Variants in MICB observed in about 807,000 individuals in gnomAD.
MICB encodes the protein MHC class I antigen-related protein B.
In MICB, 27 loss-of-function variants were observed where a neutral mutation model predicts 34.3. The ratio of observed to expected loss-of-function variants is 0.79; its 90% CI spans 0.58 to 1.08. MICB has a LOEUF of 1.08. Among genes scored for constraint, MICB ranks in the 50% least tolerant of loss-of-function variants. MICB has a pLI of 0.00. For missense variants in MICB, 426 were observed against 483.1 expected, an observed-to-expected ratio of 0.88 and a Z score of 1.11; for synonymous variants, 153 against 187.4, an observed-to-expected ratio of 0.82 and a Z score of 1.50.
chr6:31,502,843 A>G lies in MICB; in HGVS notation c.71-2774A>G, dbSNP rs1314475655. 4.6e-5 allele frequency among the ~76,000 whole-genome samples: 7 copies of G among 152,202 alleles called. 1 individual carries two copies. Among genetic ancestry groups the G allele is most frequent in the Admixed American group, 2.6e-4 (4 of 15,278 alleles). On this transcript the variant is annotated intron_variant, in intron 1 of 5. Coordinates refer to ENST00000252229, the MANE Select transcript of MICB (RefSeq NM_005931.5). The stretch of plus-strand genomic sequence containing the variant: ...TCCAGATCTTAAAGAAAAGGCTTTC[A>G]GTTTTCCCCCATTCAGTATGTTACT...
At chr6:31,497,557 A>G (rs1458275448), upstream of MICB, among the ~76,000 whole-genome samples, 2 of 152,300 alleles carry the variant, frequency 1.3e-5, no homozygotes, top group East Asian at 1.9e-4. Context: ...AGGAGATTAT[A>G]TAGCTGAAAC....
At chr6:31,498,120 T>C (rs1764768604), upstream of MICB, 3 of 1,310,104 alleles carry the variant, frequency 2.3e-6, no homozygotes, top group Non-Finnish European at 3.1e-6. Flanking sequence ...TGACTAAATT[T>C]CGACGGGGTC....
intron 5 of MICB, among the ~76,000 whole-genome samples, chr6:31,508,924 A>G (rs915819265): frequency 6.6e-6 from 1 of 152,124 alleles, no homozygotes; most frequent in Non-Finnish European, 1.5e-5. Context: ...GGCAGTTCCC[A>G]GGTGCAGAGG....
upstream of MICB, among the ~76,000 whole-genome samples, chr6:31,497,041 A>G (rs145333893): frequency 3.2e-3 from 488 of 152,322 alleles, 1 homozygote; most frequent in Middle Eastern, 0.02. Flanking sequence ...GACATTCAGC[A>G]GATGGGGCGC....
rs757078199 is a variant in MICB, at chr6:31,506,358, C to A, written c.541C>A (p.Arg181Ser). ...TGCCATGAAGACCAAGACACACTAT[C>A]GCGCTATGCAGGCAGACTGCCTGCA... ...EDAMKTKTHYRAMQADCLQKL... is the reference protein window; with the variant it reads ...EDAMKTKTHYSAMQADCLQKL... The change falls in exon 3 of 6, where the codon CGC (arginine) becomes AGC (serine). Residue 181 changes from arginine (R) to serine (S), a missense_variant. Coordinates refer to ENST00000252229, the MANE Select transcript of MICB (RefSeq NM_005931.5). 1.5e-5 allele frequency: 24 copies of A among 1,614,074 alleles called. No individual in the cohort carries two copies. The highest frequency in any genetic ancestry group is 1.9e-5 in the Non-Finnish European group (22 of 1,180,040).
rs571442558 is a variant in MICB, at chr6:31,508,575, C to A, written c.1024+1044C>A. Among the ~76,000 whole-genome samples the A allele has an allele frequency of 4.6e-5, 7 of 152,260 alleles. No homozygotes were observed. In the South Asian group the frequency reaches 1.5e-3, roughly 32 times the overall value. On this transcript the variant is annotated intron_variant, in intron 5 of 5. Transcript: ENST00000252229. ...GCAAGAGGGCCCCATCCAGGAGGCA[C>A]CCACAGCAGGGGCAGTGCAGGTCTG...
rs1416561250 is a variant in MICB at position 31,507,956 on chromosome 6, C to T, written c.1024+425C>T. ...AAGGTGGCTGTGATCTGGGGAGGGC[C>T]AGAAACTGGAGAGGAATCCAAGGAG... is the stretch of plus-strand genomic sequence containing the variant. On this transcript the variant is annotated intron_variant, in intron 5 of 5. Transcript: ENST00000252229. This position sits in a 1 kb window ranked among gnomAD's most constrained non-coding sequence, Gnocchi z 6.0. Among the ~76,000 whole-genome samples, 2 of 152,126 alleles carry T rather than the reference C, an allele frequency of 1.3e-5. No homozygotes were observed. The highest frequency in any genetic ancestry group is 4.8e-5 in the African/African-American group (2 of 41,414).
At chr6:31,497,091 GCA>G (rs1764706794), upstream of MICB, among the ~76,000 whole-genome samples, 1 of 152,196 alleles carries the variant, frequency 6.6e-6, no homozygotes, top group Admixed American at 6.5e-5. Context: ...ACTGAGGCAG[GCA>G]CAGTGTTTAG....
chr6:31,499,718 A>G, intron 1 of MICB, among the ~76,000 whole-genome samples: 1 of 151,112 alleles, frequency 6.6e-6, no homozygotes, highest in African/African-American at 2.4e-5. Flanking sequence ...CCACTCCTTC[A>G]TCCTCAGCCT....
At chr6:31,506,461 C>T (rs748740749) in intron 3 of MICB, 31 bp downstream of exon 3, 11 of 1,600,440 alleles carry the variant, frequency 6.9e-6, no homozygotes, top group Non-Finnish European at 9.4e-6. Context: ...CTCTACTGTT[C>T]CCGCAATTCT....
upstream of MICB, among the ~76,000 whole-genome samples, chr6:31,495,458 A>C (rs1764604666): frequency 6.6e-6 from 1 of 152,200 alleles, no homozygotes; most frequent in Non-Finnish European, 1.5e-5. Flanking sequence ...AGGTGGGGAC[A>C]GGACCCCAGT....
upstream of MICB, chr6:31,494,965 G>C (rs1423423445): frequency 1.4e-5 from 1 of 69,840 alleles, no homozygotes; most frequent in Non-Finnish European, 3.0e-5. Flanking sequence ...GGAGGAAGTC[G>C]CCTCTGTGCT....
In MICB at chr6:31,509,830, A is replaced by G; in HGVS notation, c.1073A>G (p.Asp358Gly). Reference sequence around the variant, plus strand: ...GATCAACACCCAGTTGGGACAGGAGACCACAGGGATGCAGCACAGCTGGGA... The same window carrying G: ...GATCAACACCCAGTTGGGACAGGAGGCCACAGGGATGCAGCACAGCTGGGA... Reference protein sequence around the residue: ...VLDQHPVGTGDHRDAAQLGFQ... With the variant: ...VLDQHPVGTGGHRDAAQLGFQ... Residue 358 changes from aspartate to glycine, a missense_variant, in exon 6 of 6, where the codon GAC (aspartate) becomes GGC (glycine). Physicochemically the swap from Asp to Gly is moderately conservative, Grantham distance 94. Transcript: ENST00000252229. The G allele has an allele frequency of 6.2e-7, 1 of 1,612,376 alleles. No homozygotes were observed. Among genetic ancestry groups the G allele is most frequent in the Non-Finnish European group, 8.5e-7 (1 of 1,179,248 alleles).
Position 31,502,475 on chromosome 6 carries a change from A to C in MICB, c.71-3142A>C, listed in dbSNP as rs115810696. Among the ~76,000 whole-genome samples the C allele has an allele frequency of 2.7e-3, 411 of 152,324 alleles. 5 individuals are homozygous for C. The highest frequency in any genetic ancestry group is 9.3e-3 in the African/African-American group (385 of 41,570). On this transcript the variant is annotated intron_variant, in intron 1 of 5. Transcript: ENST00000252229. ...ATCTTTCACTTCTTCAGTTAAGTCT[A>C]TTCCTAGGTATTTTATTTTATTTGT...
intron 1 of MICB, among the ~76,000 whole-genome samples, chr6:31,503,855 A>C (rs1765131604): frequency 6.6e-6 from 1 of 152,054 alleles, no homozygotes; most frequent in Non-Finnish European, 1.5e-5. Flanking sequence ...TTTTAGAGGA[A>C]TCACCATAGT....
upstream of MICB, among the ~76,000 whole-genome samples, chr6:31,495,661 C>G (rs77805999): frequency 0.028 from 4,266 of 151,858 alleles, 149 homozygotes; most frequent in South Asian, 0.15. Context: ...GTGAGGCCAA[C>G]AAAAAAGAAA....
chr6:31,496,148 C>T (rs1157297053), upstream of MICB, among the ~76,000 whole-genome samples: 8 of 152,304 alleles, frequency 5.3e-5, no homozygotes, highest in African/African-American at 1.9e-4. Context: ...TTGAAGACCA[C>T]TGCCTAGATG....
chr6:31,503,717 C>G (rs1017985846), intron 1 of MICB, among the ~76,000 whole-genome samples: 10 of 152,226 alleles, frequency 6.6e-5, no homozygotes, highest in African/African-American at 1.7e-4. Flanking sequence ...ACTTGGGTTA[C>G]TTCTACCTTT....
intron 1 of MICB, among the ~76,000 whole-genome samples, chr6:31,499,864 C>T (rs1374852639): frequency 6.6e-6 from 1 of 152,140 alleles, no homozygotes; most frequent in Non-Finnish European, 1.5e-5. Flanking sequence ...AGCAAGTTCT[C>T]ATCTTTCAGT....
Sources: allele counts gnomAD v4.1 joint callset (sites outside exome capture counted in the v4.1 genomes callset), GRCh38; gene constraint gnomAD v4.1.1; non-coding constraint Gnocchi (gnomAD v3.1); transcripts MANE v1.5; gene names NCBI Gene and HGNC (gene_info 2026-07-23, HGNC 2026-07-21).